Variants in PSD3 observed in about 807,000 individuals in gnomAD.
PSD3 encodes pleckstrin and Sec7 domain containing 3.
In PSD3, 49 loss-of-function variants were observed where a neutral mutation model predicts 105.5. The ratio of observed to expected loss-of-function variants is 0.46; its 90% CI spans 0.37 to 0.59. The LOEUF is 0.59. PSD3 is among the 20% of genes least tolerant of loss of function. The pLI is 0.00. For synonymous variants in PSD3, 557 were observed against 457.8 expected, an observed-to-expected ratio of 1.22 and a Z score of -2.77; for missense variants, 1,561 against 1,263.8, an observed-to-expected ratio of 1.24 and a Z score of -3.57.
chr8:18,568,704 TTC>T, intron 14 of PSD3, among the ~76,000 whole-genome samples: 1 of 19,490 alleles, frequency 5.1e-5, no homozygotes. Context: ...TACCTTCTTC[TTC>T]TTTTTTTTTT....
chr8:18,818,705 A>G (rs1364406493), intron 4 of PSD3, among the ~76,000 whole-genome samples: 1 of 152,184 alleles, frequency 6.6e-6, no homozygotes, highest in African/African-American at 2.4e-5. Context: ...AACCAGCAAA[A>G]AAAGGAAAGA....
intron 9 of PSD3, among the ~76,000 whole-genome samples, chr8:18,686,264 A>G (rs1800656784): frequency 6.6e-6 from 1 of 152,164 alleles, no homozygotes; most frequent in South Asian, 2.1e-4. Flanking sequence ...CACTCTCAAC[A>G]TGACAATTCT....
intron 1 of PSD3, among the ~76,000 whole-genome samples, chr8:18,957,865 G>A (rs1298125161): frequency 1.3e-5 from 2 of 152,074 alleles, no homozygotes; most frequent in Non-Finnish European, 2.9e-5. Context: ...AAATGACCTG[G>A]GCTGTGGGAA....
chr8:18,936,485 T>C (rs1272445615), intron 1 of PSD3, among the ~76,000 whole-genome samples: 1 of 152,210 alleles, frequency 6.6e-6, no homozygotes, highest in Non-Finnish European at 1.5e-5. Context: ...ATATTTTGGC[T>C]GGACGCGGTA....
intron 12 of PSD3, among the ~76,000 whole-genome samples, chr8:18,577,540 G>T (rs1802536324): frequency 6.6e-6 from 1 of 151,852 alleles, no homozygotes; most frequent in South Asian, 2.1e-4. Context: ...TTGCTATGTT[G>T]TCTGGTGCAT....
intron 10 of PSD3, among the ~76,000 whole-genome samples, chr8:18,645,740 TA>T (rs750247645): frequency 3.0e-4 from 46 of 152,232 alleles, no homozygotes; most frequent in Non-Finnish European, 2.6e-4. Context: ...CAATGAGGTG[TA>T]ATGAGTATCT....
intron 4 of PSD3, among the ~76,000 whole-genome samples, chr8:18,834,129 G>A (rs554925412): frequency 2.8e-4 from 42 of 152,266 alleles, no homozygotes; most frequent in African/African-American, 9.9e-4. Flanking sequence ...CCTCTAAAAT[G>A]TAATCCAATT....
intron 4 of PSD3, among the ~76,000 whole-genome samples, chr8:18,829,835 A>G (rs1813536746): frequency 6.6e-6 from 1 of 152,228 alleles, no homozygotes; most frequent in Non-Finnish European, 1.5e-5. Flanking sequence ...ATTTTGTAAA[A>G]AGACATTTTT....
intron 9 of PSD3, among the ~76,000 whole-genome samples, chr8:18,715,335 AC>A (rs1802515513): frequency 6.6e-6 from 1 of 152,106 alleles, no homozygotes. Flanking sequence ...TTAATAGGTT[AC>A]AATCTACACT....
At chr8:18,638,613 A>G (rs1563408981) in intron 10 of PSD3, among the ~76,000 whole-genome samples, 1 of 152,162 alleles carries the variant, frequency 6.6e-6, no homozygotes, top group African/African-American at 2.4e-5. Flanking sequence ...GAAAACCGTA[A>G]AACATTGAAA....
At chr8:18,872,841 G>T in intron 2 of PSD3, 108 bp from the exon 3 acceptor site, 1 of 1,098,030 alleles carries the variant, frequency 9.1e-7, no homozygotes, top group Non-Finnish European at 1.3e-6. Flanking sequence ...TTATTAACTT[G>T]ATTATTGCAT....
chr8:18,724,738 T>C (rs1462486028), intron 9 of PSD3, among the ~76,000 whole-genome samples: 1 of 152,110 alleles, frequency 6.6e-6, no homozygotes, highest in Admixed American at 6.5e-5. Flanking sequence ...TACATGGGCT[T>C]AACAAATGAT....
intron 12 of PSD3, among the ~76,000 whole-genome samples, chr8:18,598,949 A>T (rs1261555159): frequency 6.6e-6 from 1 of 152,164 alleles, no homozygotes; most frequent in African/African-American, 2.4e-5. Flanking sequence ...TCAAAGATTT[A>T]ACATTATTAA....
chr8:18,714,278 T>A (rs1213519043), intron 9 of PSD3, among the ~76,000 whole-genome samples: 2 of 151,910 alleles, frequency 1.3e-5, no homozygotes, highest in Non-Finnish European at 2.9e-5. Flanking sequence ...AATTGACAAA[T>A]GAAATCTAAT....
intron 14 of PSD3, among the ~76,000 whole-genome samples, chr8:18,566,579 T>C (rs1282547928): frequency 6.6e-6 from 1 of 151,930 alleles, no homozygotes; most frequent in Non-Finnish European, 1.5e-5. Context: ...CCATCTCATT[T>C]TTCTAGATGG....
rs533214740 is a variant in PSD3, at chr8:18,621,376, C to G, written c.2410+11237G>C. ...TGAGCTGACATCGTGCCACTGCACT[C>G]CAGCCTGGGCAACAGAGTGAGACAC... is the stretch of plus-strand genomic sequence containing the variant. On this transcript the variant is annotated intron_variant, in intron 11 of 15. Coordinates refer to ENST00000327040, the MANE Select transcript of PSD3 (RefSeq NM_015310.4). Among the ~76,000 whole-genome samples, 655 of 152,302 alleles carry G rather than the reference C, an allele frequency of 4.3e-3. 4 individuals are homozygous for G. The highest frequency in any genetic ancestry group is 6.6e-3 in the Non-Finnish European group (446 of 68,032).
chr8:18,684,415 A>C (rs182703619), intron 9 of PSD3, among the ~76,000 whole-genome samples: 297 of 152,306 alleles, frequency 2.0e-3, no homozygotes, highest in African/African-American at 6.9e-3. Context: ...GTAATCTCCA[A>C]GGCACCATGT....
At chr8:18,699,839 T>C (rs1016429138) in intron 9 of PSD3, among the ~76,000 whole-genome samples, 21 of 151,796 alleles carry the variant, frequency 1.4e-4, no homozygotes, top group African/African-American at 4.6e-4. Context: ...TAACACACAT[T>C]GTACAAACAA....
At chr8:18,908,605 G>A (rs1409124572) in intron 2 of PSD3, among the ~76,000 whole-genome samples, 4 of 152,116 alleles carry the variant, frequency 2.6e-5, no homozygotes, top group Admixed American at 6.5e-5. Context: ...CAAACAGTCT[G>A]TCTCCTTATG....
Sources: allele counts gnomAD v4.1 joint callset (sites outside exome capture counted in the v4.1 genomes callset), GRCh38; gene constraint gnomAD v4.1.1; transcripts MANE v1.5; gene names NCBI Gene and HGNC (gene_info 2026-07-23, HGNC 2026-07-21).